Variants in ZNF793 observed in about 807,000 individuals in gnomAD.
ZNF793 encodes zinc finger protein 793.
ZNF793 carries 5 observed loss-of-function variants against 12.4 expected under a neutral mutation model. The observed-to-expected ratio is 0.40, with a 90% confidence interval of 0.21 to 0.84. The LOEUF is 0.84. ZNF793 is among the 40% of genes least tolerant of loss of function. The probability of loss-of-function intolerance (pLI) is 0.35; values close to 1 mark genes in which losing one functional copy is unlikely to be tolerated. For missense variants in ZNF793, 456 were observed against 495.0 expected (o/e 0.92, Z 0.75); for synonymous variants, 162 against 172.4 (o/e 0.94, Z 0.47).
At chr19:37,511,325 G>A (rs2042293143) in intron 2 of ZNF793, among the ~76,000 whole-genome samples, 2 of 152,112 alleles carry the variant, frequency 1.3e-5, no homozygotes, top group Admixed American at 1.3e-4. Context: ...TGAAGCCAAG[G>A]CATTCATACC....
chr19:37,539,076 T>A lies in ZNF793; in HGVS notation c.*1197T>A, dbSNP rs996094786. On this transcript the variant is annotated 3_prime_UTR_variant, in exon 8 of 8. Transcript: ENST00000627814. ...TTGTTACTGTCCTCTGCAGAAATAA[T>A]AAAGCAGTGTTTTTAAATGTATTTG... 6.6e-6 allele frequency: 1 copy of A among 152,214 alleles called. No individual in the cohort carries two copies. The highest frequency in any genetic ancestry group is 2.4e-5 in the African/African-American group (1 of 41,458). The allele number at this position is 152,214 out of a possible 1,614,324, so 9.4% of individuals were successfully genotyped here. A position where few individuals can be genotyped will look rare whatever the true frequency, so the allele number is the denominator to read the frequency against.
chr19:37,513,233 T>C (rs2042306896), intron 2 of ZNF793, among the ~76,000 whole-genome samples: 1 of 152,196 alleles, frequency 6.6e-6, no homozygotes, highest in African/African-American at 2.4e-5. Flanking sequence ...TGAGATCATG[T>C]AATTAACCTC....
intron 2 of ZNF793, among the ~76,000 whole-genome samples, chr19:37,510,500 A>C (rs1023535962): frequency 7.0e-6 from 1 of 142,164 alleles, no homozygotes; most frequent in Admixed American, 7.3e-5. Flanking sequence ...GGGCAACAAG[A>C]GTGAAACTCC....
At position 37,536,902 on chromosome 19, in the gene ZNF793, A is replaced by G. The variant is rs2042509056; in HGVS notation, c.244A>G (p.Ile82Val). ...ACPGCHCWED[I>V]WRVNIQRKRR... ...ATTCACTGTACTTTCTCCAGAAGAC[A>G]TCTGGCGAGTTAATATCCAGAGGAA... is the stretch of plus-strand genomic sequence containing the variant. The change falls in exon 8 of 8, where the codon ATC becomes GTC. Residue 82 changes from isoleucine (I) to valine (V), a missense_variant. By Grantham distance (29) the Ile-to-Val change is conservative (BLOSUM62 3). Transcript: ENST00000627814. 5 of 1,603,444 alleles carry G rather than the reference A, an allele frequency of 3.1e-6. No individual in the cohort carries two copies. Among genetic ancestry groups the G allele is most frequent in the Non-Finnish European group, 4.3e-6 (5 of 1,176,358 alleles).
At chr19:37,516,497 T>C (rs375998155) in intron 2 of ZNF793, among the ~76,000 whole-genome samples, 5 of 152,024 alleles carry the variant, frequency 3.3e-5, no homozygotes, top group South Asian at 2.1e-4. Context: ...TGGTAAAATA[T>C]GGCTTTTGAG....
chr19:37,526,477 G>A (rs960529815), intron 5 of ZNF793, among the ~76,000 whole-genome samples: 4 of 152,148 alleles, frequency 2.6e-5, no homozygotes, highest in African/African-American at 9.7e-5. Flanking sequence ...CTTCCTGGGT[G>A]CAGAATTGTA....
chr19:37,523,366 T>C, intron 4 of ZNF793, 44 bp from the exon 5 acceptor site: 1 of 1,477,558 alleles, frequency 6.8e-7, no homozygotes, highest in Non-Finnish European at 9.5e-7. Flanking sequence ...CACTCTGTTC[T>C]CTGTTCTCTC....
upstream of ZNF793, chr19:37,506,723 C>T (rs1187587292): frequency 6.6e-6 from 1 of 152,240 alleles, no homozygotes; most frequent in Non-Finnish European, 1.5e-5. Context: ...CTTCCTTCTC[C>T]TTGTCCTAAA....
rs1401178721 is a variant in ZNF793 at position 37,540,302 on chromosome 19, C to T, written c.*2423C>T. 1 of 147,510 alleles carries T rather than the reference C, an allele frequency of 6.8e-6. No individual in the cohort carries two copies. Among genetic ancestry groups the T allele is most frequent in the African/African-American group, 2.5e-5 (1 of 40,110 alleles). 9.1% of individuals were successfully genotyped at this position (147,510 alleles called of 1,614,324 possible). ...AAAAAAAAGAAAACTTCAGACCAGTCTTACTCATGAATATAGAAACAAAAA... is the reference window on the plus strand; with the variant it reads ...AAAAAAAAGAAAACTTCAGACCAGTTTTACTCATGAATATAGAAACAAAAA... On this transcript the variant is annotated 3_prime_UTR_variant, in exon 8 of 8. Coordinates refer to ENST00000627814, the MANE Select transcript of ZNF793 (RefSeq NM_001013659.3).
intron 1 of ZNF793, among the ~76,000 whole-genome samples, chr19:37,508,026 G>C (rs1004929689): frequency 1.3e-5 from 2 of 152,166 alleles, no homozygotes; most frequent in Non-Finnish European, 1.5e-5. Flanking sequence ...AGCCTGCATA[G>C]CGGGAACACA....
chr19:37,507,982 T>C (rs1364952333), intron 1 of ZNF793, among the ~76,000 whole-genome samples: 4 of 151,964 alleles, frequency 2.6e-5, no homozygotes, highest in Non-Finnish European at 5.9e-5. Flanking sequence ...AATGTGGAGA[T>C]TGGGGATGGG....
chr19:37,508,563 G>C (rs2042268499), intron 2 of ZNF793, among the ~76,000 whole-genome samples, 160 bp downstream of exon 2: 1 of 151,988 alleles, frequency 6.6e-6, no homozygotes, highest in South Asian at 2.1e-4. Context: ...AAAATTAGCC[G>C]GGCGTGGTGG....
chr19:37,506,910 A>G (rs1014761718), upstream of ZNF793: 1 of 152,234 alleles, frequency 6.6e-6, no homozygotes, highest in African/African-American at 2.4e-5. Context: ...TGACAGCCTC[A>G]AAGTCGCAAT....
At chr19:37,516,480 A>G (rs961777524) in intron 2 of ZNF793, among the ~76,000 whole-genome samples, 2 of 151,746 alleles carry the variant, frequency 1.3e-5, no homozygotes, top group African/African-American at 4.8e-5. Flanking sequence ...AGATGATGGT[A>G]TCTATATGGT....
At chr19:37,514,387 C>T (rs964523477) in intron 2 of ZNF793, among the ~76,000 whole-genome samples, 2 of 152,120 alleles carry the variant, frequency 1.3e-5, no homozygotes, top group Admixed American at 6.5e-5. Flanking sequence ...AAAACCCTAT[C>T]TCTGCAAAAA....
intron 5 of ZNF793, 106 bp downstream of exon 5, chr19:37,523,560 G>A (rs1226643986): frequency 9.0e-7 from 1 of 1,114,108 alleles, no homozygotes; most frequent in Non-Finnish European, 1.3e-6. Context: ...TACAGGCTGG[G>A]TTCTCAGGGA....
chr19:37,537,558 A>C lies in ZNF793; in HGVS notation c.900A>C (p.Glu300Asp), dbSNP rs1481804770. 6.2e-7 allele frequency: 1 copy of C among 1,614,222 alleles called. No individual in the cohort carries two copies. The highest frequency in any genetic ancestry group is 1.7e-5 in the Admixed American group (1 of 60,030). The change falls in exon 8 of 8, where the codon GAA becomes GAC. Residue 300 changes from glutamate to aspartate, a missense_variant. Glu to Asp is a conservative substitution (Grantham distance 45, BLOSUM62 2). Coordinates refer to ENST00000627814, the MANE Select transcript of ZNF793 (RefSeq NM_001013659.3). ...TTACCCAGAAGTCACACCGCACAGA[A>C]CATCAGAGAACACACACAGGAGAGA... ...KAFTQKSHRT[E>D]HQRTHTGERP... is the part of the protein sequence containing the mutation.
Position 37,541,004 on chromosome 19 carries a change from C to T in ZNF793, c.*3125C>T, listed in dbSNP as rs1490305022. ...AATTTTTAAAATGCCATGCTAGATACCAGAAGATAACATGAAGCCATTCTA... is the reference window on the plus strand; with the variant it reads ...AATTTTTAAAATGCCATGCTAGATATCAGAAGATAACATGAAGCCATTCTA... On this transcript the variant is annotated 3_prime_UTR_variant, in exon 8 of 8. Coordinates refer to ENST00000627814, the MANE Select transcript of ZNF793 (RefSeq NM_001013659.3). The T allele has an allele frequency of 1.3e-5, 2 of 151,394 alleles. No homozygotes were observed. The highest frequency in any genetic ancestry group is 2.9e-5 in the Non-Finnish European group (2 of 67,886). The allele number at this position is 151,394 out of a possible 1,614,324, so 9.4% of individuals were successfully genotyped here.
intron 6 of ZNF793, among the ~76,000 whole-genome samples, chr19:37,532,939 C>G (rs1272688339): frequency 3.3e-5 from 5 of 152,152 alleles, no homozygotes; most frequent in Non-Finnish European, 7.3e-5. Context: ...AAAATATTAA[C>G]TCATTTCATT....
Sources: allele counts gnomAD v4.1 joint callset (sites outside exome capture counted in the v4.1 genomes callset), GRCh38; gene constraint gnomAD v4.1.1; transcripts MANE v1.5; gene names NCBI Gene and HGNC (gene_info 2026-07-23, HGNC 2026-07-21).